Variants in FAR2 observed in about 807,000 individuals in gnomAD.
FAR2 encodes the protein fatty acyl-CoA reductase 2.
A neutral mutation model predicts 56.0 loss-of-function variants in FAR2; 19 were observed. The ratio of observed to expected loss-of-function variants is 0.34; its 90% CI spans 0.24 to 0.50. FAR2 has a LOEUF of 0.50. FAR2 is among the 20% of genes least tolerant of loss of function. The probability of loss-of-function intolerance (pLI) is 0.98; values close to 1 mark genes in which losing one functional copy is unlikely to be tolerated. For synonymous variants in FAR2, 219 were observed against 218.8 expected (o/e 1.00, Z -0.01); for missense variants, 508 against 642.2 (o/e 0.79, Z 2.26).
chr12:29,212,448 C>T (rs1037264453), intron 1 of FAR2, among the ~76,000 whole-genome samples: 1 of 152,144 alleles, frequency 6.6e-6, no homozygotes, highest in Non-Finnish European at 1.5e-5. Context: ...TGTTTTAAAT[C>T]TTCTATACTT....
At chr12:29,291,152 G>T (rs919430539) in intron 2 of FAR2, among the ~76,000 whole-genome samples, 3 of 151,906 alleles carry the variant, frequency 2.0e-5, no homozygotes, top group African/African-American at 7.3e-5. Context: ...AAGAAAAATA[G>T]AAAGAGTTTC....
At chr12:29,265,146 T>C (rs953181686) in intron 1 of FAR2, among the ~76,000 whole-genome samples, 4 of 152,162 alleles carry the variant, frequency 2.6e-5, no homozygotes, top group East Asian at 1.9e-4. Context: ...AAAATACCAA[T>C]GACATTTCTC....
rs185844015 is a variant in FAR2 at position 29,290,335 on chromosome 12, A to G, written c.190-2965A>G. 7.7e-4 allele frequency among the ~76,000 whole-genome samples: 117 copies of G among 152,156 alleles called. 1 individual carries two copies. Among genetic ancestry groups the G allele is most frequent in the African/African-American group, 2.7e-3 (113 of 41,500 alleles). ...GTGGTGCATACTTGTAATCCCAGCT[A>G]CTCAGGAGGCTGAGGCAAGAGAATC... On this transcript the variant is annotated intron_variant, in intron 2 of 11. Coordinates refer to ENST00000536681, the MANE Select transcript of FAR2 (RefSeq NM_001271783.2).
In FAR2 at chr12:29,212,880, C is replaced by CATCATGGGCTTAT. The variant is rs549857525; in HGVS notation, c.-38-57528_-38-57527insTGGGCTTATATCA. ...GAATGCCCTTGGGCATGTTTCTTAACATCAAACAAGATAACGTGTAAAATA... is the reference window on the plus strand; with the variant it reads ...GAATGCCCTTGGGCATGTTTCTTAACATCATGGGCTTATATCAAACAAGATAACGTGTAAAATA... On this transcript the variant is annotated intron_variant, in intron 1 of 11. Transcript: ENST00000536681. 1.5e-3 allele frequency among the ~76,000 whole-genome samples: 225 copies of CATCATGGGCTTAT among 152,330 alleles called. 1 individual carries two copies. The South Asian group carries it at 0.022, about 15-fold the overall frequency.
At chr12:29,201,439 A>G (rs1947410387) in intron 1 of FAR2, among the ~76,000 whole-genome samples, 2 of 152,176 alleles carry the variant, frequency 1.3e-5, no homozygotes, top group African/African-American at 2.4e-5. Context: ...TGGACAAGGA[A>G]AATGTTACCA....
intron 1 of FAR2, among the ~76,000 whole-genome samples, chr12:29,166,844 G>A (rs1237951317): frequency 2.6e-5 from 4 of 152,108 alleles, no homozygotes; most frequent in African/African-American, 9.7e-5. Context: ...CTATAGCTAT[G>A]GTTCCAGTTC....
chr12:29,282,383 G>A (rs1386796396), intron 2 of FAR2: 1 of 152,176 alleles, frequency 6.6e-6, no homozygotes, highest in Non-Finnish European at 1.5e-5. Flanking sequence ...ATTATCTCAT[G>A]TTAATCAAGT....
rs116302320 is a variant in FAR2, at chr12:29,265,334, G to A, written c.-38-5078G>A. ...CTACTGGCATAAAAACTGAAACATA[G>A]ACCAGTAGAACAGAGCAGAGAATCT... On this transcript the variant is annotated intron_variant, in intron 1 of 11. Coordinates refer to ENST00000536681, the MANE Select transcript of FAR2 (RefSeq NM_001271783.2). Among the ~76,000 whole-genome samples, 329 of 152,200 alleles carry A rather than the reference G, an allele frequency of 2.2e-3. 1 individual carries two copies. Among genetic ancestry groups the A allele is most frequent in the African/African-American group, 7.5e-3 (311 of 41,524 alleles).
intron 2 of FAR2, among the ~76,000 whole-genome samples, chr12:29,273,818 G>T (rs1300232600): frequency 6.6e-6 from 1 of 152,230 alleles, no homozygotes; most frequent in African/African-American, 2.4e-5. Context: ...AGGTTGCACT[G>T]TTCCATGGAA....
At chr12:29,209,987 G>C (rs1484241261) in intron 1 of FAR2, among the ~76,000 whole-genome samples, 10 of 152,078 alleles carry the variant, frequency 6.6e-5, no homozygotes, top group Admixed American at 6.5e-4. Flanking sequence ...CAGGAAGATT[G>C]CTTGAGCCCA....
At chr12:29,175,419 G>A (rs1469214507) in intron 1 of FAR2, among the ~76,000 whole-genome samples, 2 of 152,188 alleles carry the variant, frequency 1.3e-5, no homozygotes, top group Non-Finnish European at 2.9e-5. Flanking sequence ...GACCTTCACG[G>A]CAAGTGTTAC....
At chr12:29,300,971 C>G (rs1949153729) in intron 4 of FAR2, among the ~76,000 whole-genome samples, 1 of 152,036 alleles carries the variant, frequency 6.6e-6, no homozygotes, top group Non-Finnish European at 1.5e-5. Context: ...GAACTTGAAC[C>G]CCATGCTTAC....
chr12:29,197,748 G>A (rs1183622264), intron 1 of FAR2, among the ~76,000 whole-genome samples: 1 of 152,164 alleles, frequency 6.6e-6, no homozygotes, highest in Non-Finnish European at 1.5e-5. Context: ...AACTAATGAT[G>A]TGGAGCATTG....
chr12:29,251,642 C>T (rs575339234), intron 1 of FAR2, among the ~76,000 whole-genome samples: 303 of 152,252 alleles, frequency 2.0e-3, no homozygotes, highest in Non-Finnish European at 3.7e-3. Flanking sequence ...TACATTAGTT[C>T]CCTGACTTGT....
Position 29,270,600 on chromosome 12 carries a change from A to C in FAR2, c.151A>C (p.Thr51Pro). The C allele has an allele frequency of 6.2e-7, 1 of 1,613,924 alleles. No individual in the cohort carries two copies. Among genetic ancestry groups the C allele is most frequent in the Non-Finnish European group, 8.5e-7 (1 of 1,179,866 alleles). The change falls in exon 2 of 12, where the codon ACA becomes CCA. Residue 51 changes from threonine to proline, a missense_variant. Transcript: ENST00000536681. ...YILVRPKAGQ[T>P]LQQRVFQILD... ...CCTTGTGAGGCCCAAGGCTGGCCAG[A>C]CACTGCAGCAGAGGGTTTTCCAGAT...
At chr12:29,268,717 C>A (rs1948562326) in intron 1 of FAR2, among the ~76,000 whole-genome samples, 1 of 152,044 alleles carries the variant, frequency 6.6e-6, no homozygotes, top group African/African-American at 2.4e-5. Flanking sequence ...GGGAACCTGC[C>A]CCGTAGGTTC....
At chr12:29,268,297 A>G (rs1034719279) in intron 1 of FAR2, among the ~76,000 whole-genome samples, 1 of 152,158 alleles carries the variant, frequency 6.6e-6, no homozygotes, top group Non-Finnish European at 1.5e-5. Context: ...CAGTTGACAA[A>G]GTGAGTGGAC....
At chr12:29,208,995 A>C (rs1947510372) in intron 1 of FAR2, among the ~76,000 whole-genome samples, 3 of 152,118 alleles carry the variant, frequency 2.0e-5, no homozygotes, top group Admixed American at 2.0e-4. Flanking sequence ...CAGACTACTC[A>C]AAAGGGAGAA....
At chr12:29,283,683 G>A (rs748038141) in intron 2 of FAR2, among the ~76,000 whole-genome samples, 1 of 152,106 alleles carries the variant, frequency 6.6e-6, no homozygotes, top group African/African-American at 2.4e-5. Context: ...CATAAAATCT[G>A]AGGAGCTGCT....
Sources: allele counts gnomAD v4.1 joint callset (sites outside exome capture counted in the v4.1 genomes callset), GRCh38; gene constraint gnomAD v4.1.1; transcripts MANE v1.5; gene names NCBI Gene and HGNC (gene_info 2026-07-23, HGNC 2026-07-21).